ASTN1: variants seen among roughly 807,000 people sequenced by gnomAD.
The protein encoded by ASTN1 is astrotactin 1.
A neutral mutation model predicts 140.7 loss-of-function variants in ASTN1; 41 were observed. The observed-to-expected ratio is 0.29, with a 90% CI of 0.23 to 0.38. The LOEUF is 0.38. Among genes scored for constraint, ASTN1 ranks in the 10% least tolerant of loss-of-function variants. The probability of loss-of-function intolerance (pLI) is 1.00; values close to 1 mark genes in which losing one functional copy is unlikely to be tolerated. For synonymous variants in ASTN1, 640 were observed against 652.2 expected (o/e 0.98, Z 0.29); for missense variants, 1,479 against 1,678.8 (o/e 0.88, Z 2.08).
Position 176,864,092 on chromosome 1 carries a change from C to T in ASTN1, c.*192G>A. On this transcript the variant is annotated 3_prime_UTR_variant, in exon 23 of 23. Transcript: ENST00000361833. ...ATGAAGCCACTGGCTGGCAGATTTC[C>T]CAATCATGCAGATGGAGAACATCAT... 7.1e-7 allele frequency: 1 copy of T among 1,410,858 alleles called. No individual in the cohort carries two copies. Among genetic ancestry groups the T allele is most frequent in the Non-Finnish European group, 9.2e-7 (1 of 1,085,094 alleles). The allele number at this position is 1,410,858 out of a possible 1,614,324, so 87.4% of individuals were successfully genotyped here.
At chr1:177,132,834 AC>A (rs1350455958) in intron 1 of ASTN1, among the ~76,000 whole-genome samples, 1 of 152,242 alleles carries the variant, frequency 6.6e-6, no homozygotes, top group African/African-American at 2.4e-5. Context: ...GAAATCACAC[AC>A]ATTTGCTTAT....
intron 9 of ASTN1, among the ~76,000 whole-genome samples, chr1:176,959,596 G>C (rs182467522): frequency 1.2e-4 from 18 of 152,246 alleles, no homozygotes; most frequent in Admixed American, 1.1e-3. Flanking sequence ...GAGTTAGAGA[G>C]CAGCCAAGCC....
chr1:176,861,313 A>T lies in ASTN1; in HGVS notation c.*2971T>A, dbSNP rs945276752. The T allele has an allele frequency of 1.0e-6, 1 of 985,764 alleles. No homozygotes were observed. The highest frequency in any genetic ancestry group is 1.2e-6 in the Non-Finnish European group (1 of 829,936). The allele number at this position is 985,764 out of a possible 1,614,324, so 61.1% of individuals were successfully genotyped here. A position where few individuals can be genotyped will look rare whatever the true frequency, so the allele number is the denominator to read the frequency against. On this transcript the variant is annotated 3_prime_UTR_variant, in exon 23 of 23. Transcript: ENST00000361833. Reference sequence around the variant, plus strand: ...CTCCATGGAAAACGATTGCACACTCAATTAAAAGTCTAATGCTATTACAGT... The same window carrying T: ...CTCCATGGAAAACGATTGCACACTCTATTAAAAGTCTAATGCTATTACAGT...
intron 1 of ASTN1, among the ~76,000 whole-genome samples, chr1:177,086,813 AT>A (rs1344717730): frequency 6.6e-6 from 1 of 152,174 alleles, no homozygotes; most frequent in Non-Finnish European, 1.5e-5. Flanking sequence ...CTTTTTTCTA[AT>A]TGTTCCATGT....
At chr1:177,042,848 A>T (rs1677042863) in intron 2 of ASTN1, among the ~76,000 whole-genome samples, 1 of 152,192 alleles carries the variant, frequency 6.6e-6, no homozygotes, top group East Asian at 1.9e-4. Flanking sequence ...TTTTCTTTCA[A>T]TTAAACCCCA....
At chr1:177,071,440 T>C (rs529439326) in intron 1 of ASTN1, among the ~76,000 whole-genome samples, 1 of 152,280 alleles carries the variant, frequency 6.6e-6, no homozygotes, top group South Asian at 2.1e-4. Context: ...GTAAACTGAG[T>C]CCTTCTCTGT....
At chr1:177,079,006 C>T (rs1163756590) in intron 1 of ASTN1, among the ~76,000 whole-genome samples, 2 of 152,156 alleles carry the variant, frequency 1.3e-5, no homozygotes, top group African/African-American at 2.4e-5. Context: ...ACCAAATGGA[C>T]CTCAATCTGA....
intron 2 of ASTN1, among the ~76,000 whole-genome samples, chr1:177,053,970 A>C (rs1341843063): frequency 6.6e-6 from 1 of 152,204 alleles, no homozygotes; most frequent in African/African-American, 2.4e-5. Context: ...TATTAGTGTC[A>C]AAGTAAAAAT....
intron 1 of ASTN1, among the ~76,000 whole-genome samples, chr1:177,108,347 C>CAAAAAA (rs71129596): frequency 3.9e-4 from 38 of 98,368 alleles, no homozygotes; most frequent in African/African-American, 4.1e-4. Context: ...GACTCCGTCT[C>CAAAAAA]AAAAAAAAAA....
At chr1:177,057,252 G>C (rs1343707958) in intron 2 of ASTN1, among the ~76,000 whole-genome samples, 2 of 152,150 alleles carry the variant, frequency 1.3e-5, no homozygotes, top group African/African-American at 4.8e-5. Context: ...CGAGCTCCCA[G>C]CTGGGGAATT....
At chr1:177,139,034 T>C (rs944975688) in intron 1 of ASTN1, among the ~76,000 whole-genome samples, 1 of 152,208 alleles carries the variant, frequency 6.6e-6, no homozygotes, top group African/African-American at 2.4e-5. Context: ...TTGAAAAACC[T>C]TTCCTGGTGT....
At chr1:177,110,044 T>C (rs992779146) in intron 1 of ASTN1, among the ~76,000 whole-genome samples, 1 of 152,112 alleles carries the variant, frequency 6.6e-6, no homozygotes, top group Admixed American at 6.5e-5. Context: ...CCTTTCTCCA[T>C]CCTTTCCCTA....
chr1:176,971,525 T>C (rs1571587091), intron 8 of ASTN1, among the ~76,000 whole-genome samples: 1 of 152,194 alleles, frequency 6.6e-6, no homozygotes, highest in Non-Finnish European at 1.5e-5. Context: ...ATATCCCCTG[T>C]CCCTCAACTG....
intron 1 of ASTN1, among the ~76,000 whole-genome samples, chr1:177,143,323 C>T (rs1216204928): frequency 6.6e-6 from 1 of 152,200 alleles, no homozygotes; most frequent in Non-Finnish European, 1.5e-5. Context: ...TCCATCATCA[C>T]TACCATAATC....
At chr1:177,077,850 A>T (rs1390023859) in intron 1 of ASTN1, among the ~76,000 whole-genome samples, 2 of 152,184 alleles carry the variant, frequency 1.3e-5, no homozygotes, top group African/African-American at 4.8e-5. Context: ...ACCCAAGGGC[A>T]GCCGTCTGTG....
Position 176,957,741 on chromosome 1 carries a change from G to T in ASTN1, c.1824C>A (p.Asn608Lys). The change falls in exon 11 of 23, where the codon AAC becomes AAA. Residue 608 changes from asparagine to lysine, a missense_variant. Transcript: ENST00000361833. ...AGCGGAAATTCTTACTGCAGCCCCC[G>T]TTATCTTTGCTGCAGTCGCGCACCG... is the stretch of plus-strand genomic sequence containing the variant. ...FGPVRDCSKDNGGCSKNFRCI... is the reference protein window; with the variant it reads ...FGPVRDCSKDKGGCSKNFRCI... 1 of 1,614,036 alleles carries T rather than the reference G, an allele frequency of 6.2e-7. No individual in the cohort carries two copies. Among genetic ancestry groups the T allele is most frequent in the East Asian group, 2.2e-5 (1 of 44,870 alleles).
chr1:176,867,347 A>AG (rs1429305437), intron 22 of ASTN1, among the ~76,000 whole-genome samples: 3 of 151,846 alleles, frequency 2.0e-5, no homozygotes, highest in Admixed American at 6.6e-5. Context: ...AGAGGAAAGG[A>AG]GGGGGTGGAG....
chr1:176,913,512 A>AGCT (rs150966073), intron 16 of ASTN1, among the ~76,000 whole-genome samples: 2,891 of 152,340 alleles, frequency 0.019, 98 homozygotes, highest in African/African-American at 0.065. Flanking sequence ...TAATAATAAC[A>AGCT]GCTGCTCACT....
intron 1 of ASTN1, among the ~76,000 whole-genome samples, chr1:177,135,219 G>A (rs778153183): frequency 3.3e-5 from 5 of 151,914 alleles, no homozygotes; most frequent in African/African-American, 4.8e-5. Flanking sequence ...GAACCAGCTC[G>A]ATGGGTGCTA....
Sources: allele counts gnomAD v4.1 joint callset (sites outside exome capture counted in the v4.1 genomes callset), GRCh38; gene constraint gnomAD v4.1.1; transcripts MANE v1.5; gene names NCBI Gene and HGNC (gene_info 2026-07-23, HGNC 2026-07-21).